Variants in ATP8A2 observed in about 807,000 individuals in gnomAD.
The protein encoded by ATP8A2 is phospholipid-transporting ATPase IB.
In ATP8A2, 100 loss-of-function variants were observed where a neutral mutation model predicts 165.6. The observed-to-expected ratio is 0.60, with a 90% CI of 0.51 to 0.71. The LOEUF is 0.71. ATP8A2 is among the 30% of genes least tolerant of loss of function. ATP8A2 has a pLI of 0.00. For synonymous variants in ATP8A2, 543 were observed against 548.8 expected (o/e 0.99, Z 0.15); for missense variants, 1,227 against 1,479.5 (o/e 0.83, Z 2.80).
At chr13:25,816,754 A>G (rs1373858983) in intron 27 of ATP8A2, among the ~76,000 whole-genome samples, 1 of 152,148 alleles carries the variant, frequency 6.6e-6, no homozygotes, top group African/African-American at 2.4e-5. Flanking sequence ...CTCCGCTGGG[A>G]GAGTAGACAG....
intron 33 of ATP8A2, among the ~76,000 whole-genome samples, chr13:25,899,028 C>T (rs1342367126): frequency 2.0e-5 from 3 of 152,210 alleles, no homozygotes; most frequent in Non-Finnish European, 2.9e-5. Flanking sequence ...GTGCCCTGCA[C>T]CCACTGTCTT....
chr13:25,940,233 G>A (rs764451065), intron 33 of ATP8A2, among the ~76,000 whole-genome samples: 17 of 151,840 alleles, frequency 1.1e-4, no homozygotes, highest in South Asian at 2.1e-4. Context: ...GCCCCTTCCC[G>A]GTGGCTCTTC....
chr13:25,489,398 T>C (rs1307547131), intron 2 of ATP8A2, among the ~76,000 whole-genome samples: 2 of 152,116 alleles, frequency 1.3e-5, no homozygotes, highest in Non-Finnish European at 2.9e-5. Flanking sequence ...AAGCAAGCAT[T>C]TTCTTCCTCG....
chr13:25,977,613 T>C (rs71431772), intron 35 of ATP8A2, among the ~76,000 whole-genome samples: 4,901 of 152,328 alleles, frequency 0.032, 107 homozygotes, highest in Non-Finnish European at 0.049. Context: ...ATTTTAGGAA[T>C]GTTGAATTCC....
chr13:25,541,319 A>G (rs2038469296), intron 8 of ATP8A2, among the ~76,000 whole-genome samples: 1 of 152,100 alleles, frequency 6.6e-6, no homozygotes, highest in Non-Finnish European at 1.5e-5. Flanking sequence ...CATTTAAAGA[A>G]CAGTTACAGC....
At chr13:25,638,441 C>T (rs1282929945) in intron 24 of ATP8A2, among the ~76,000 whole-genome samples, 7 of 152,244 alleles carry the variant, frequency 4.6e-5, no homozygotes, top group East Asian at 1.9e-4. Flanking sequence ...AACTATGGCA[C>T]GAGAACTATG....
At chr13:25,759,233 T>C (rs1050970905) in intron 25 of ATP8A2, among the ~76,000 whole-genome samples, 1 of 152,162 alleles carries the variant, frequency 6.6e-6, no homozygotes, top group Non-Finnish European at 1.5e-5. Context: ...GGTGTAGATA[T>C]GGGATTGGTA....
chr13:25,752,376 G>C (rs371609216), intron 25 of ATP8A2, among the ~76,000 whole-genome samples: 2 of 151,924 alleles, frequency 1.3e-5, no homozygotes, highest in Non-Finnish European at 2.9e-5. Flanking sequence ...CAGGAGAATC[G>C]CTTGAACCCG....
intron 33 of ATP8A2, among the ~76,000 whole-genome samples, chr13:25,901,262 T>C (rs1953739132): frequency 6.6e-6 from 1 of 152,030 alleles, no homozygotes; most frequent in Non-Finnish European, 1.5e-5. Context: ...TTAAGTGGAA[T>C]TGAGAATAAG....
At chr13:25,609,890 ATGTTTGT>A (rs1403767920) in intron 24 of ATP8A2, among the ~76,000 whole-genome samples, 1 of 150,558 alleles carries the variant, frequency 6.6e-6, no homozygotes, top group Non-Finnish European at 1.5e-5. Flanking sequence ...GCATTTTTTC[ATGTTTGT>A]TGGCCATTTG....
intron 33 of ATP8A2, among the ~76,000 whole-genome samples, chr13:25,892,580 CCTCTCT>C (rs55782604): frequency 4.2e-5 from 6 of 144,170 alleles, no homozygotes; most frequent in African/African-American, 1.6e-4. Flanking sequence ...AATGGAAACA[CCTCTCT>C]CTCTCTCTCT....
intron 32 of ATP8A2, among the ~76,000 whole-genome samples, chr13:25,861,643 G>A (rs550189715): frequency 9.9e-4 from 151 of 152,278 alleles, no homozygotes; most frequent in Middle Eastern, 3.4e-3. Flanking sequence ...CTTTGCTTAC[G>A]ATGTTAGAGG....
intron 25 of ATP8A2, among the ~76,000 whole-genome samples, chr13:25,733,894 T>C (rs539353204): frequency 1.3e-5 from 2 of 152,320 alleles, no homozygotes; most frequent in East Asian, 3.9e-4. Flanking sequence ...CAGCACCTTT[T>C]TTCTTCTGCC....
chr13:25,985,002 G>A (rs1353175599), intron 35 of ATP8A2, among the ~76,000 whole-genome samples: 2 of 152,176 alleles, frequency 1.3e-5, no homozygotes, highest in African/African-American at 4.8e-5. Context: ...ACCCTTTTGA[G>A]GAGAAATGAA....
At chr13:25,531,195 TTA>T (rs1466456129) in intron 4 of ATP8A2, among the ~76,000 whole-genome samples, 6 of 140,640 alleles carry the variant, frequency 4.3e-5, no homozygotes, top group African/African-American at 1.6e-4. Flanking sequence ...GTTATATATG[TTA>T]TATATGATAT....
chr13:25,415,698 G>T (rs1046767982), intron 1 of ATP8A2, among the ~76,000 whole-genome samples: 7 of 152,118 alleles, frequency 4.6e-5, no homozygotes, highest in African/African-American at 1.4e-4. Context: ...GCACATCCCT[G>T]TCTCGGTTCT....
intron 27 of ATP8A2, among the ~76,000 whole-genome samples, chr13:25,777,071 G>A (rs568590137): frequency 2.6e-4 from 40 of 152,164 alleles, no homozygotes; most frequent in Middle Eastern, 3.4e-3. Flanking sequence ...TGCCACATGC[G>A]TGCCTCAAAT....
intron 35 of ATP8A2, among the ~76,000 whole-genome samples, chr13:25,970,643 T>C (rs769110087): frequency 6.6e-6 from 1 of 152,168 alleles, no homozygotes; most frequent in Non-Finnish European, 1.5e-5. Flanking sequence ...AATATTTTCT[T>C]TGGGGGATTA....
chr13:25,929,678 T>C (rs1175477274), intron 33 of ATP8A2, among the ~76,000 whole-genome samples: 1 of 152,026 alleles, frequency 6.6e-6, no homozygotes, highest in Non-Finnish European at 1.5e-5. Context: ...GGCAACACAG[T>C]GAGACCTCGT....
Sources: gnomAD v4.1 joint callset for allele counts (sites outside exome capture counted in the v4.1 genomes callset) on GRCh38, gnomAD v4.1.1 for gene constraint, MANE v1.5 for transcripts, NCBI Gene and HGNC (gene_info 2026-07-23, HGNC 2026-07-21) for gene names.